Variants in CHD1 observed in about 807,000 individuals in gnomAD.
CHD1 encodes the protein ATP-dependent chromatin remodeler CHD1.
Under a neutral mutation model 224.2 loss-of-function variants are expected in CHD1, and 36 were observed. The observed-to-expected ratio is 0.16, with a 90% CI of 0.12 to 0.21. The LOEUF (loss-of-function observed/expected upper bound fraction) is 0.21, where lower values mean the gene tolerates loss of function less well. Among genes scored for constraint, CHD1 ranks in the 10% least tolerant of loss-of-function variants. CHD1 has a pLI of 1.00. For missense variants in CHD1, 1,378 were observed against 1,994.8 expected (o/e 0.69, Z 5.89); for synonymous variants, 668 against 658.3 (o/e 1.01, Z -0.23).
At position 98,858,306 on chromosome 5, in the gene CHD1, T is replaced by C. The variant is rs749452130; in HGVS notation, c.4661A>G (p.His1554Arg). The change falls in exon 35 of 36, where the codon CAT becomes CGT. Residue 1554 changes from histidine (H) to arginine (R), a missense_variant. This residue lies in a region of CHD1 where 278 missense variants were observed against 298.5 expected (regional missense o/e 0.93). Transcript: ENST00000614616. Reference sequence around the variant, plus strand: ...CTGATGTCGGTCTTTATGATGATCATGGTACTGAGTTAAGTGTCTATCAGA... The same window carrying C: ...CTGATGTCGGTCTTTATGATGATCACGGTACTGAGTTAAGTGTCTATCAGA... Reference protein sequence around the residue: ...YSSDRHLTQYHDHHKDRHQGD... With the variant: ...YSSDRHLTQYRDHHKDRHQGD... 17 of 1,613,124 alleles carry C rather than the reference T, an allele frequency of 1.1e-5. No individual in the cohort carries two copies. Among genetic ancestry groups the C allele is most frequent in the African/African-American group, 2.7e-5 (2 of 74,894 alleles).
At chr5:98,862,448 T>TA (rs1341812366) in intron 32 of CHD1, among the ~76,000 whole-genome samples, 1 of 152,202 alleles carries the variant, frequency 6.6e-6, no homozygotes, top group East Asian at 1.9e-4. Context: ...TCCTGGCTAT[T>TA]AGTCTCTCTT....
chr5:98,901,259 T>C lies in CHD1; in HGVS notation c.514A>G (p.Lys172Glu), dbSNP rs576801110. Reference sequence around the variant, plus strand: ...GATTCTGTTTCATCACAACTGCTTTTCTCTCTCTCTTCTTCAGATTCTGAA... The same window carrying C: ...GATTCTGTTTCATCACAACTGCTTTCCTCTCTCTCTTCTTCAGATTCTGAA... The part of the protein sequence containing the change: ...SDSESEEERE[K>E]SSCDETESDY... Residue 172 changes from lysine to glutamate, a missense_variant, in exon 6 of 36, where the codon AAA becomes GAA. Physicochemically the swap from Lys to Glu is moderately conservative, Grantham distance 56. Coordinates refer to ENST00000614616, the MANE Select transcript of CHD1 (RefSeq NM_001270.4). 2 of 1,613,356 alleles carry C rather than the reference T, an allele frequency of 1.2e-6. No individual in the cohort carries two copies. Among genetic ancestry groups the C allele is most frequent in the South Asian group, 2.2e-5 (2 of 90,996 alleles).
Position 98,869,895 on chromosome 5 carries a change from A to G in CHD1, c.3979-13T>C, listed in dbSNP as rs770752235. The G allele has an allele frequency of 2.6e-6, 4 of 1,568,568 alleles. No homozygotes were observed. The South Asian group carries it at 3.4e-5, about 14-fold the overall frequency. The stretch of plus-strand genomic sequence containing the variant: ...TCTTTGAACTTCCCTAAAAATCATT[A>G]TTTTAATTTTAACCAATTCTACAGA... On this transcript the variant is annotated splice_polypyrimidine_tract_variant and intron_variant, in intron 29 of 35. Transcript: ENST00000614616.
Position 98,903,832 on chromosome 5 carries a change from T to G in CHD1, c.332A>C (p.Gln111Pro). The change falls in exon 4 of 36, where the codon CAA becomes CCA. Residue 111 changes from glutamine (Q) to proline (P), a missense_variant. Gln to Pro is a moderately conservative substitution (Grantham distance 76, BLOSUM62 -1). Transcript: ENST00000614616. ...ILKKQQQQQQ[Q>P]QQHQASSNSG... ...ATTAGATGAGGCTTGATGTTGTTGT[T>G]GCTGCTGCTGCTGTTGCTGCTTCTT... The G allele has an allele frequency of 3.1e-6, 5 of 1,609,246 alleles. No individual in the cohort carries two copies. The highest frequency in any genetic ancestry group is 4.3e-6 in the Non-Finnish European group (5 of 1,176,016).
chr5:98,889,013 T>C (rs935006336), intron 16 of CHD1, 63 bp downstream of exon 16: 3 of 1,183,786 alleles, frequency 2.5e-6, no homozygotes, highest in African/African-American at 1.5e-5. Flanking sequence ...CCATTTTCGA[T>C]TGTAAGTGAA....
chr5:98,898,621 C>G, intron 9 of CHD1, 43 bp downstream of exon 9: 1 of 1,337,730 alleles, frequency 7.5e-7, no homozygotes, highest in Non-Finnish European at 1.1e-6. Flanking sequence ...CAGATTATTT[C>G]AAGCATAAAA....
chr5:98,870,799 A>G lies in CHD1; in HGVS notation c.3866T>C (p.Leu1289Pro). 1 of 1,604,232 alleles carries G rather than the reference A, an allele frequency of 6.2e-7. No individual in the cohort carries two copies. The highest frequency in any genetic ancestry group is 8.5e-7 in the Non-Finnish European group (1 of 1,173,478). ...DPDLSLTHKI[L>P]PDDPDKKPQA... ...TGGTTTTTTATCGGGATCATCTGGAAGAATCTGAAAAAGCAATAAATTTTT... is the reference window on the plus strand; with the variant it reads ...TGGTTTTTTATCGGGATCATCTGGAGGAATCTGAAAAAGCAATAAATTTTT... The change falls in exon 29 of 36, where the codon CTT becomes CCT. Residue 1289 changes from leucine (L) to proline (P), a missense_variant. Coordinates refer to ENST00000614616, the MANE Select transcript of CHD1 (RefSeq NM_001270.4).
Position 98,875,059 on chromosome 5 carries a change from TA to T in CHD1, c.3440+12del. 7.7e-7 allele frequency: 1 copy of T among 1,304,172 alleles called. No homozygotes were observed. Among genetic ancestry groups the T allele is most frequent in the Non-Finnish European group, 1.1e-6 (1 of 908,394 alleles). The allele number at this position is 1,304,172 out of a possible 1,614,324, so 80.8% of individuals were successfully genotyped here. A position where few individuals can be genotyped will look rare whatever the true frequency, so the allele number is the denominator to read the frequency against. On this transcript the variant is annotated intron_variant, in intron 25 of 35. Coordinates refer to ENST00000614616, the MANE Select transcript of CHD1 (RefSeq NM_001270.4). The stretch of plus-strand genomic sequence containing the variant: ...ACATTCCATTATTCTATGAGAATAA[TA>T]AACGTATTTACCTTTCCAGAGGACC...
rs577625878 is a variant in CHD1 at position 98,916,106 on chromosome 5, C to T, written c.53+10228G>A. Reference sequence around the variant, plus strand: ...ACTTGGGAGGCTGAGGCACGAGAATCGCTTGAACCCAGGAGGTGGAAGTTC... The same window carrying T: ...ACTTGGGAGGCTGAGGCACGAGAATTGCTTGAACCCAGGAGGTGGAAGTTC... On this transcript the variant is annotated intron_variant, in intron 2 of 35. Transcript: ENST00000614616. Among the ~76,000 whole-genome samples, 19 of 152,132 alleles carry T rather than the reference C, an allele frequency of 1.2e-4. No individual in the cohort carries two copies. The East Asian group carries it at 3.7e-3, about 29-fold the overall frequency.
At chr5:98,899,448 TAAAAG>T in intron 8 of CHD1, 27 bp downstream of exon 8, 1 of 1,308,548 alleles carries the variant, frequency 7.6e-7, no homozygotes, top group Non-Finnish European at 1.1e-6. Context: ...TTTGAACTAT[TAAAAG>T]AAGTATATGA....
At chr5:98,918,764 A>C (rs1423788758) in intron 2 of CHD1, among the ~76,000 whole-genome samples, 1 of 137,264 alleles carries the variant, frequency 7.3e-6, no homozygotes, top group Non-Finnish European at 1.6e-5. Context: ...AAAAAAAAAA[A>C]AAAACAAAAA....
At chr5:98,867,795 GTTTTTTTTT>G (rs71619163) in intron 31 of CHD1, among the ~76,000 whole-genome samples, 1 of 98,064 alleles carries the variant, frequency 1.0e-5, no homozygotes, top group Non-Finnish European at 1.9e-5. Flanking sequence ...TATCTTCCTT[GTTTTTTTTT>G]TTTTTTTTTT....
At chr5:98,883,848 TATATATATATA>T (rs1324838460) in intron 18 of CHD1, 29 of 33,204 alleles carry the variant, frequency 8.7e-4, no homozygotes, top group African/African-American at 1.5e-3. Context: ...TATATATATA[TATATATATATA>T]TATTTTTTTT....
At chr5:98,878,613 C>A (rs1226685306) in intron 23 of CHD1, among the ~76,000 whole-genome samples, 1 of 152,116 alleles carries the variant, frequency 6.6e-6, no homozygotes, top group East Asian at 1.9e-4. Flanking sequence ...ACTTAGGCCA[C>A]TGAATAAACA....
chr5:98,891,253 T>C (rs949753822), intron 15 of CHD1, among the ~76,000 whole-genome samples: 3 of 152,244 alleles, frequency 2.0e-5, no homozygotes, highest in East Asian at 3.9e-4. Flanking sequence ...TTTTTGTATC[T>C]TGAGTAGAGA....
chr5:98,862,741 A>T (rs1292372167), intron 32 of CHD1, among the ~76,000 whole-genome samples: 1 of 152,222 alleles, frequency 6.6e-6, no homozygotes, highest in African/African-American at 2.4e-5. Context: ...TGGTGAAGAT[A>T]CAACTAAGTA....
At chr5:98,910,187 C>CT (rs1174887743) in intron 2 of CHD1, among the ~76,000 whole-genome samples, 2 of 152,092 alleles carry the variant, frequency 1.3e-5, no homozygotes, top group Non-Finnish European at 2.9e-5. Flanking sequence ...AAACTGCAAG[C>CT]TTTTTACTTC....
chr5:98,881,119 G>A lies in CHD1; in HGVS notation c.3017C>T (p.Pro1006Leu), dbSNP rs141105188. 1.2e-6 allele frequency: 2 copies of A among 1,610,416 alleles called. No homozygotes were observed. Among genetic ancestry groups the A allele is most frequent in the African/African-American group, 2.7e-5 (2 of 74,694 alleles). Reference sequence around the variant, plus strand: ...TTCATCTCCTACAGTTAAAGGACCTGGTTCATTTTCATGAGTTTCAGCTCT... The same window carrying A: ...TTCATCTCCTACAGTTAAAGGACCTAGTTCATTTTCATGAGTTTCAGCTCT... ...LKRAETHENE[P>L]GPLTVGDELL... The change falls in exon 22 of 36, where the codon CCA (proline) becomes CTA (leucine). Residue 1006 changes from proline to leucine, a missense_variant. Pro to Leu is a moderately conservative substitution (Grantham distance 98). Transcript: ENST00000614616.
intron 8 of CHD1, 112 bp downstream of exon 8, chr5:98,899,368 G>C (rs148132052): frequency 9.2e-5 from 66 of 715,418 alleles, no homozygotes; most frequent in African/African-American, 4.3e-4. Flanking sequence ...GTATTATAAA[G>C]TCTATAGCTA....
Sources: gnomAD v4.1 joint callset for allele counts (sites outside exome capture counted in the v4.1 genomes callset) on GRCh38, gnomAD v4.1.1 for gene constraint, gnomAD v4.1.1 regional missense constraint, MANE v1.5 for transcripts, NCBI Gene and HGNC (gene_info 2026-07-23, HGNC 2026-07-21) for gene names.